The following SV2B variants were observed in gnomAD, a reference collection of about 807,000 sequenced individuals.
The protein encoded by SV2B is solute carrier family 22 member B2.
In SV2B, 41 loss-of-function variants were observed where a neutral mutation model predicts 73.9. The observed-to-expected ratio is 0.56, with a 90% CI of 0.43 to 0.72. The LOEUF (loss-of-function observed/expected upper bound fraction) is 0.72, where lower values mean the gene tolerates loss of function less well. SV2B is among the 30% of genes least tolerant of loss of function. The probability of loss-of-function intolerance (pLI) is 0.00; values close to 1 mark genes in which losing one functional copy is unlikely to be tolerated. For missense variants in SV2B, 764 were observed against 857.8 expected, an observed-to-expected ratio of 0.89 and a Z score of 1.37; for synonymous variants, 314 against 314.2, an observed-to-expected ratio of 1.00 and a Z score of 0.01.
chr15:91,259,470 G>C (rs2047828020), intron 5 of SV2B, among the ~76,000 whole-genome samples: 1 of 152,198 alleles, frequency 6.6e-6, no homozygotes, highest in South Asian at 2.1e-4. Flanking sequence ...CCTTTGATCA[G>C]GAGGCAGATG....
At chr15:91,202,592 G>A (rs763453996) in intron 1 of SV2B, among the ~76,000 whole-genome samples, 2 of 152,184 alleles carry the variant, frequency 1.3e-5, no homozygotes, top group South Asian at 4.1e-4. Flanking sequence ...GAGAACAGTG[G>A]CTGGCACATG....
In SV2B at chr15:91,217,792, C is replaced by T. The variant is rs966305163; in HGVS notation, c.-391-8081C>T. Among the ~76,000 whole-genome samples the T allele has an allele frequency of 1.8e-4, 28 of 152,376 alleles. 1 individual carries two copies. Among genetic ancestry groups the T allele is most frequent in the African/African-American group, 5.8e-4 (24 of 41,598 alleles). On this transcript the variant is annotated intron_variant, in intron 1 of 12. Coordinates refer to ENST00000394232, the MANE Select transcript of SV2B (RefSeq NM_001323032.3). ...TTAGAAATCGTCCAGAACAATCCCTCGCTTGAGAGGCGAGGAGCTGAGAAC... is the reference window on the plus strand; with the variant it reads ...TTAGAAATCGTCCAGAACAATCCCTTGCTTGAGAGGCGAGGAGCTGAGAAC...
chr15:91,251,150 A>G (rs767471743), intron 2 of SV2B, among the ~76,000 whole-genome samples: 28 of 152,232 alleles, frequency 1.8e-4, no homozygotes, highest in Non-Finnish European at 3.5e-4. Context: ...AAATTCACAC[A>G]TTTATGGCCA....
chr15:91,103,371 A>G (rs1234371831), intron 1 of SV2B, among the ~76,000 whole-genome samples: 1 of 152,194 alleles, frequency 6.6e-6, no homozygotes, highest in Non-Finnish European at 1.5e-5. Context: ...AGAAAAGGTC[A>G]TCTTTAGCAA....
rs2049447438 is a variant in SV2B at position 91,301,661 on chromosome 15, C to G, written c.*9109C>G. On this transcript the variant is annotated 3_prime_UTR_variant, in exon 13 of 13. Transcript: ENST00000394232. This position sits in a 1 kb window ranked among gnomAD's most constrained non-coding sequence, Gnocchi z 4.3. ...ACTGGAACACAGGAAAGTCACTTGT[C>G]AAAGGCCAAATAGCTACAGACTGAG... Among the ~76,000 whole-genome samples, 1 of 152,148 alleles carries G rather than the reference C, an allele frequency of 6.6e-6. No homozygotes were observed. The highest frequency in any genetic ancestry group is 1.5e-5 in the Non-Finnish European group (1 of 68,026).
intron 1 of SV2B, among the ~76,000 whole-genome samples, chr15:91,153,576 C>G (rs1052918281): frequency 2.0e-5 from 3 of 152,148 alleles, no homozygotes; most frequent in African/African-American, 7.2e-5. Context: ...AGCTCCATGT[C>G]TGTCATAGAC....
chr15:91,214,520 C>G lies in SV2B; in HGVS notation c.-391-11353C>G, dbSNP rs529343513. On this transcript the variant is annotated intron_variant, in intron 1 of 12. Coordinates refer to ENST00000394232, the MANE Select transcript of SV2B (RefSeq NM_001323032.3). The surrounding 1 kb of genome is among the most constrained non-coding windows in gnomAD (Gnocchi z 4.7). ...GAATCCTTATTATCCTCATTTCACA[C>G]ATGAAGAAACTGAAGCTTAAGGTTC... Among the ~76,000 whole-genome samples the G allele has an allele frequency of 6.2e-4, 95 of 152,172 alleles. No homozygotes were observed. Among genetic ancestry groups the G allele is most frequent in the Non-Finnish European group, 1.1e-3 (78 of 68,038 alleles).
chr15:91,225,155 G>T (rs2046332482), intron 1 of SV2B, among the ~76,000 whole-genome samples: 1 of 152,226 alleles, frequency 6.6e-6, no homozygotes, highest in African/African-American at 2.4e-5. Context: ...ATGGACCATT[G>T]TGCAGCAGAA....
At chr15:91,221,691 G>GTGCA (rs544613379) in intron 1 of SV2B, among the ~76,000 whole-genome samples, 29,597 of 89,412 alleles carry the variant, frequency 0.33, 5,042 homozygotes, top group African/African-American at 0.6. Context: ...CCAAGCATGT[G>GTGCA]CGCACACACA....
rs2042696794 is a variant in SV2B at position 91,132,812 on chromosome 15, C to A, written c.-392+32449C>A. On this transcript the variant is annotated intron_variant, in intron 1 of 12. Transcript: ENST00000394232. This position sits in a 1 kb window ranked among gnomAD's most constrained non-coding sequence, Gnocchi z 4.6. Reference sequence around the variant, plus strand: ...CTATAGTCGCACCACTGCACTCCAGCCTGGGCAACAGAGTGAGATCCTGTC... The same window carrying A: ...CTATAGTCGCACCACTGCACTCCAGACTGGGCAACAGAGTGAGATCCTGTC... 6.6e-6 allele frequency among the ~76,000 whole-genome samples: 1 copy of A among 151,944 alleles called. No homozygotes were observed. Among genetic ancestry groups the A allele is most frequent in the South Asian group, 2.1e-4 (1 of 4,806 alleles).
chr15:91,146,879 A>G (rs527661448), intron 1 of SV2B, among the ~76,000 whole-genome samples: 1 of 152,194 alleles, frequency 6.6e-6, no homozygotes. Context: ...GATTTTTGGT[A>G]AGTCACTTAA....
Position 91,168,665 on chromosome 15 carries a change from A to G in SV2B, c.-391-57208A>G, listed in dbSNP as rs1175416221. On this transcript the variant is annotated intron_variant, in intron 1 of 12. Transcript: ENST00000394232. ...AGAGTCTAAGCTGGGAGAATTGAAA[A>G]AAAAATTAAACCAGGAAACTCACTG... Among the ~76,000 whole-genome samples, 3 of 152,310 alleles carry G rather than the reference A, an allele frequency of 2.0e-5. No homozygotes were observed. The East Asian group carries it at 5.8e-4, about 29-fold the overall frequency.
In SV2B at chr15:91,115,537, A is replaced by ATTTT. The variant is rs55894252; in HGVS notation, c.-392+15182_-392+15185dup. Among the ~76,000 whole-genome samples the ATTTT allele has an allele frequency of 1.3e-4, 19 of 144,624 alleles. No individual in the cohort carries two copies. Among genetic ancestry groups the ATTTT allele is most frequent in the South Asian group, 4.4e-4 (2 of 4,548 alleles). 94.9% of individuals were successfully genotyped at this position (144,624 alleles called of 152,430 possible). On this transcript the variant is annotated intron_variant, in intron 1 of 12. Transcript: ENST00000394232. This position sits in a 1 kb window ranked among gnomAD's most constrained non-coding sequence, Gnocchi z 4.3. ...CAGGCACCCACCATCATGCCTGGCT[A>ATTTT]TTTTTTTTTTTGTATTTTTAGTAGA...
chr15:91,235,898 T>C (rs544272045), intron 2 of SV2B, among the ~76,000 whole-genome samples: 29 of 152,162 alleles, frequency 1.9e-4, no homozygotes, highest in South Asian at 6.2e-4. Flanking sequence ...GATGCAGAGA[T>C]AGAGAGGGGG....
intron 11 of SV2B, among the ~76,000 whole-genome samples, chr15:91,285,581 A>T (rs375184991): frequency 2.6e-5 from 4 of 152,232 alleles, no homozygotes; most frequent in East Asian, 3.8e-4. Context: ...TGCCAAGATT[A>T]GCTTTATGTG....
intron 1 of SV2B, among the ~76,000 whole-genome samples, chr15:91,172,618 G>A (rs1467928): frequency 0.16 from 24,093 of 152,104 alleles, 2,573 homozygotes; most frequent in Non-Finnish European, 0.24. Flanking sequence ...GAAGTCTCCC[G>A]TCCTCCCCCA....
chr15:91,161,963 T>C (rs1471589503), intron 1 of SV2B, among the ~76,000 whole-genome samples: 4 of 152,170 alleles, frequency 2.6e-5, no homozygotes, highest in African/African-American at 9.7e-5. Flanking sequence ...GAATCTAATC[T>C]CAAATTAGTC....
intron 9 of SV2B, among the ~76,000 whole-genome samples, chr15:91,276,896 A>G (rs2048511910): frequency 7.7e-6 from 1 of 129,912 alleles, no homozygotes; most frequent in Non-Finnish European, 1.7e-5. Flanking sequence ...ATCTCAGCTC[A>G]CCGCAATCTC....
At chr15:91,246,601 G>A (rs1596677496) in intron 2 of SV2B, among the ~76,000 whole-genome samples, 2 of 152,246 alleles carry the variant, frequency 1.3e-5, no homozygotes, top group Admixed American at 1.3e-4. Context: ...TTCTTGCATG[G>A]TGCCTGTCAC....
Sources: allele counts gnomAD v4.1 joint callset (sites outside exome capture counted in the v4.1 genomes callset), GRCh38; gene constraint gnomAD v4.1.1; non-coding constraint Gnocchi (gnomAD v3.1); transcripts MANE v1.5; gene names NCBI Gene and HGNC (gene_info 2026-07-23, HGNC 2026-07-21).